SLC6A4: variants seen among roughly 807,000 people sequenced by gnomAD.
SLC6A4 encodes solute carrier family 6 member 4, also known as sodium-dependent serotonin transporter.
Under a neutral mutation model 73.4 loss-of-function variants are expected in SLC6A4, and 22 were observed. The observed-to-expected ratio is 0.30, with a 90% CI of 0.21 to 0.43. The LOEUF (loss-of-function observed/expected upper bound fraction) is 0.43. SLC6A4 is among the 20% of genes least tolerant of loss of function. The pLI is 1.00. For missense variants in SLC6A4, 593 were observed against 808.5 expected, an observed-to-expected ratio of 0.73 and a Z score of 3.23; for synonymous variants, 270 against 315.5, an observed-to-expected ratio of 0.86 and a Z score of 1.53.
chr17:30,213,842 G>A (rs1031008898), intron 8 of SLC6A4, among the ~76,000 whole-genome samples: 7 of 152,002 alleles, frequency 4.6e-5, no homozygotes, highest in African/African-American at 1.7e-4. Context: ...AACCTCCCGG[G>A]CTCAAGCAAT....
chr17:30,213,384 C>T (rs1445527190), intron 8 of SLC6A4, among the ~76,000 whole-genome samples: 1 of 150,744 alleles, frequency 6.6e-6, no homozygotes, highest in East Asian at 1.9e-4. Context: ...CTCACTGTAC[C>T]CTCTGCCTCC....
At chr17:30,231,087 A>C (rs950251075) in intron 1 of SLC6A4, among the ~76,000 whole-genome samples, 4 of 152,150 alleles carry the variant, frequency 2.6e-5, no homozygotes, top group African/African-American at 9.7e-5. Context: ...CAGCGGGGGA[A>C]ATGGGAATAT....
At chr17:30,217,038 G>A in intron 6 of SLC6A4, 128 bp downstream of exon 6, 1 of 805,364 alleles carries the variant, frequency 1.2e-6, no homozygotes, top group Non-Finnish European at 2.0e-6. Flanking sequence ...TGAAGAGAGA[G>A]AGGGTGCATC....
intron 4 of SLC6A4, 101 bp from the exon 5 acceptor site, chr17:30,218,438 G>C (rs1906649390): frequency 1.1e-6 from 1 of 896,278 alleles, no homozygotes; most frequent in African/African-American, 1.6e-5. Flanking sequence ...GCCCAGCAGA[G>C]GGGTACACGT....
At chr17:30,208,678 TTTTG>T (rs1350066240) in intron 12 of SLC6A4, among the ~76,000 whole-genome samples, 4 of 152,060 alleles carry the variant, frequency 2.6e-5, no homozygotes, top group Non-Finnish European at 5.9e-5. Flanking sequence ...AGTGGTTTAT[TTTTG>T]TTTGTTTTTG....
rs1387774483 is a variant in SLC6A4, at chr17:30,194,494, T to A, written c.*3962A>T. ...AATTTTAGATATGTCCAACACACAA[T>A]CAAAAGTATTCTGAAAAGTTGTATA... On this transcript the variant is annotated 3_prime_UTR_variant, in exon 15 of 15. Coordinates refer to ENST00000650711, the MANE Select transcript of SLC6A4 (RefSeq NM_001045.6). The A allele has an allele frequency of 6.6e-6, 1 of 152,068 alleles. No homozygotes were observed. The highest frequency in any genetic ancestry group is 1.5e-5 in the Non-Finnish European group (1 of 67,978). 9.4% of individuals were successfully genotyped at this position (152,068 alleles called of 1,614,324 possible). A position where few individuals can be genotyped will look rare whatever the true frequency, so the allele number is the denominator to read the frequency against.
At chr17:30,210,003 C>T (rs1297201093) in intron 11 of SLC6A4, among the ~76,000 whole-genome samples, 4 of 151,896 alleles carry the variant, frequency 2.6e-5, no homozygotes, top group Non-Finnish European at 5.9e-5. Flanking sequence ...TTGACCCCCA[C>T]TCCAGGGCCA....
intron 14 of SLC6A4, 116 bp from the exon 15 acceptor site, chr17:30,198,646 C>A: frequency 5.2e-6 from 3 of 576,248 alleles, no homozygotes; most frequent in South Asian, 2.5e-5. Context: ...CATCTAAGAG[C>A]GAGTTGGAAT....
intron 13 of SLC6A4, among the ~76,000 whole-genome samples, chr17:30,207,142 A>C (rs1357078456): frequency 6.6e-6 from 1 of 152,166 alleles, no homozygotes; most frequent in African/African-American, 2.4e-5. Context: ...AATGTTATGC[A>C]TCACTATCAC....
chr17:30,231,740 A>G (rs996218471), intron 1 of SLC6A4, among the ~76,000 whole-genome samples: 7 of 152,214 alleles, frequency 4.6e-5, no homozygotes, highest in African/African-American at 1.7e-4. Flanking sequence ...GGAAACTTCC[A>G]GTCAGCCAAA....
At chr17:30,201,079 G>C (rs1346742340) in intron 14 of SLC6A4, among the ~76,000 whole-genome samples, 1 of 152,054 alleles carries the variant, frequency 6.6e-6, no homozygotes, top group Non-Finnish European at 1.5e-5. Flanking sequence ...CACTGTGCCC[G>C]GCCAAGAAAC....
chr17:30,225,550 G>A (rs763170623), intron 1 of SLC6A4, among the ~76,000 whole-genome samples: 2 of 152,126 alleles, frequency 1.3e-5, no homozygotes, highest in Non-Finnish European at 2.9e-5. Flanking sequence ...CTGCTGGGTG[G>A]AAAGATTGCA....
At chr17:30,214,282 C>T (rs575710842) in intron 8 of SLC6A4, among the ~76,000 whole-genome samples, 8 of 151,670 alleles carry the variant, frequency 5.3e-5, no homozygotes, top group South Asian at 2.1e-4. Flanking sequence ...TTTAGCCAGT[C>T]GTGGTGGCGC....
At position 30,235,568 on chromosome 17, in the gene SLC6A4, T is replaced by C. The variant is rs534072661; in HGVS notation, c.-221+45A>G. ...CCTCCCCGAGGCGGGGAAGAAGGTC[T>C]GGAAAGAAACGTGGGTTCGAGGCGG... On this transcript the variant is annotated intron_variant, in intron 1 of 14. Coordinates refer to ENST00000650711, the MANE Select transcript of SLC6A4 (RefSeq NM_001045.6). The surrounding 1 kb of genome is among the most constrained non-coding windows in gnomAD (Gnocchi z 4.5). The C allele has an allele frequency of 1.3e-5, 2 of 152,222 alleles. No homozygotes were observed. The highest frequency in any genetic ancestry group is 2.9e-5 in the Non-Finnish European group (2 of 68,054). The allele number at this position is 152,222 out of a possible 1,614,324, so 9.4% of individuals were successfully genotyped here.
chr17:30,218,847 T>C lies in SLC6A4; in HGVS notation c.428A>G (p.His143Arg). 2 of 1,613,996 alleles carry C rather than the reference T, an allele frequency of 1.2e-6. No individual in the cohort carries two copies. Among genetic ancestry groups the C allele is most frequent in the Non-Finnish European group, 1.7e-6 (2 of 1,179,962 alleles). The stretch of plus-strand genomic sequence containing the variant: ...CCATATTGAAATGCATCCATTTCGG[T>C]GGTACTGTCCCAGTGCGAGCTCCAT... ...FYMELALGQY[H>R]RNGCISIWRK... Residue 143 changes from histidine to arginine, a missense_variant, in exon 4 of 15, where the codon CAC (histidine) becomes CGC (arginine). His to Arg is a conservative substitution (Grantham distance 29). Transcript: ENST00000650711.
chr17:30,208,779 C>G (rs1354715836), intron 12 of SLC6A4, among the ~76,000 whole-genome samples: 4 of 152,182 alleles, frequency 2.6e-5, no homozygotes, highest in African/African-American at 9.7e-5. Flanking sequence ...GCAACCTCTG[C>G]CTCCCAGATT....
intron 1 of SLC6A4, among the ~76,000 whole-genome samples, chr17:30,226,183 T>C (rs1156257728): frequency 1.3e-5 from 2 of 152,248 alleles, no homozygotes; most frequent in Non-Finnish European, 2.9e-5. Context: ...AACTGTGGGT[T>C]TAACGTTGAG....
chr17:30,198,515 T>TA lies in SLC6A4; in HGVS notation c.1833dup (p.Ile612TyrfsTer38). The stretch of plus-strand genomic sequence containing the variant: ...ATTTCTGTTGGTGTTTCTGGGGTAA[T>TA]ACTTTTAATAATACGCTATTGGGAA... On this transcript the variant is annotated frameshift_variant, in exon 15 of 15. Coordinates refer to ENST00000650711, the MANE Select transcript of SLC6A4 (RefSeq NM_001045.6). LOFTEE classifies it high-confidence loss of function. 2 of 1,591,136 alleles carry TA rather than the reference T, an allele frequency of 1.3e-6. No individual in the cohort carries two copies. The highest frequency in any genetic ancestry group is 1.7e-6 in the Non-Finnish European group (2 of 1,159,236).
At chr17:30,202,544 A>G (rs1906070872) in intron 14 of SLC6A4, among the ~76,000 whole-genome samples, 1 of 152,246 alleles carries the variant, frequency 6.6e-6, no homozygotes, top group South Asian at 2.1e-4. Flanking sequence ...CGACATGCAG[A>G]TGCTTTGAAA....
Sources: allele counts gnomAD v4.1 joint callset (sites outside exome capture counted in the v4.1 genomes callset), GRCh38; gene constraint gnomAD v4.1.1; non-coding constraint Gnocchi (gnomAD v3.1); transcripts MANE v1.5; gene names NCBI Gene and HGNC (gene_info 2026-07-23, HGNC 2026-07-21).